KIF19: variants seen among roughly 807,000 people sequenced by gnomAD.
KIF19 encodes the protein kinesin family member 19, also known as kinesin-like protein KIF19.
In KIF19, 98 loss-of-function variants were observed where a neutral mutation model predicts 106.6. The observed-to-expected ratio is 0.92, with a 90% CI of 0.78 to 1.09. The LOEUF is 1.09. Ranked by LOEUF, KIF19 falls within the 50% of genes least tolerant of loss-of-function variation. KIF19 has a pLI of 0.00. For synonymous variants in KIF19, 516 were observed against 584.2 expected, an observed-to-expected ratio of 0.88 and a Z score of 1.68; for missense variants, 1,373 against 1,414.3, an observed-to-expected ratio of 0.97 and a Z score of 0.47.
rs550479508 is a variant in KIF19, at chr17:74,347,958, C to G, written c.1047+59C>G. 2.5e-3 allele frequency: 3,774 copies of G among 1,529,466 alleles called. 19 individuals are homozygous for G. The highest frequency in any genetic ancestry group is 2.5e-3 in the Non-Finnish European group (2,884 of 1,134,770). 94.7% of individuals were successfully genotyped at this position (1,529,466 alleles called of 1,614,324 possible). On this transcript the variant is annotated intron_variant, in intron 9 of 19. Transcript: ENST00000389916. Reference sequence around the variant, plus strand: ...CTTCCTGGGCTGAGATTCAAGCCCCCGGGCTGATCCCTGCCACCCCACTGC... The same window carrying G: ...CTTCCTGGGCTGAGATTCAAGCCCCGGGGCTGATCCCTGCCACCCCACTGC...
intron 2 of KIF19, among the ~76,000 whole-genome samples, chr17:74,334,230 G>A (rs891840142): frequency 1.3e-5 from 2 of 150,776 alleles, no homozygotes; most frequent in Non-Finnish European, 3.0e-5. Context: ...TGTTCTTTTT[G>A]GCTCTTGTGC....
intron 12 of KIF19, 115 bp downstream of exon 12, chr17:74,351,020 C>T: frequency 9.8e-7 from 1 of 1,016,492 alleles, no homozygotes; most frequent in East Asian, 2.4e-5. Context: ...GGAACTCAGG[C>T]CACAAATCCT....
chr17:74,345,994 T>G lies in KIF19; in HGVS notation c.778-384T>G, dbSNP rs574791646. Reference sequence around the variant, plus strand: ...CCTGCCCTCCACCACCATGCACATGTGCACGCACTTTCCTCCTTGCTCCCT... The same window carrying G: ...CCTGCCCTCCACCACCATGCACATGGGCACGCACTTTCCTCCTTGCTCCCT... On this transcript the variant is annotated intron_variant, in intron 7 of 19. Transcript: ENST00000389916. 7.9e-5 allele frequency among the ~76,000 whole-genome samples: 12 copies of G among 152,332 alleles called. No homozygotes were observed. The South Asian group carries it at 2.5e-3, about 32-fold the overall frequency.
intron 2 of KIF19, among the ~76,000 whole-genome samples, chr17:74,333,267 T>A (rs1293288227): frequency 6.6e-6 from 1 of 151,004 alleles, no homozygotes; most frequent in East Asian, 2.0e-4. Context: ...CCCCAGCCCC[T>A]CCCAGCCCCA....
In KIF19 at chr17:74,344,869, C is replaced by T. The variant is rs200390291; in HGVS notation, c.691C>T (p.Arg231Cys). Residue 231 changes from arginine (R) to cysteine (C), a missense_variant, in exon 7 of 20, where the codon CGC becomes TGC. Physicochemically the swap from Arg to Cys is radical, Grantham distance 180. Coordinates refer to ENST00000389916, the MANE Select transcript of KIF19 (RefSeq NM_153209.4). The stretch of plus-strand genomic sequence containing the variant: ...GGTACTGCAGGTGACCGTGCGCCAG[C>T]GCAGCCGGGTCAAGAACATCTTGCA... ...HAVLQVTVRQRSRVKNILQEV... is the reference protein window; with the variant it reads ...HAVLQVTVRQCSRVKNILQEV... 30 of 1,612,748 alleles carry T rather than the reference C, an allele frequency of 1.9e-5. No homozygotes were observed. Among genetic ancestry groups the T allele is most frequent in the East Asian group, 1.6e-4 (7 of 44,878 alleles).
chr17:74,342,533 A>G, intron 3 of KIF19, 97 bp from the exon 4 acceptor site: 1 of 799,946 alleles, frequency 1.3e-6, no homozygotes, highest in Non-Finnish European at 2.0e-6. Flanking sequence ...GGCTCCAGGG[A>G]CAGAAACCTC....
chr17:74,328,922 C>T (rs1156606403), intron 2 of KIF19: 2 of 163,392 alleles, frequency 1.2e-5, no homozygotes, highest in African/African-American at 2.4e-5. Context: ...GAAGGCAGGG[C>T]ACACGAGGCA....
rs573171434 is a variant in KIF19, at chr17:74,326,452, G to C, written c.39+64G>C. On this transcript the variant is annotated intron_variant, in intron 1 of 19. Coordinates refer to ENST00000389916, the MANE Select transcript of KIF19 (RefSeq NM_153209.4). ...TGGTCTACTTCAGTCGGCCTCCAGC[G>C]ACAGAGTCCTGTCCCCTCGCCGCCA... 43 of 1,520,896 alleles carry C rather than the reference G, an allele frequency of 2.8e-5. No individual in the cohort carries two copies. The African/African-American group carries it at 5.9e-4, about 21-fold the overall frequency. The allele number at this position is 1,520,896 out of a possible 1,614,324, so 94.2% of individuals were successfully genotyped here.
At chr17:74,340,109 C>G (rs2054324813) in intron 2 of KIF19, among the ~76,000 whole-genome samples, 1 of 152,174 alleles carries the variant, frequency 6.6e-6, no homozygotes, top group African/African-American at 2.4e-5. Context: ...ATGCTGCTGT[C>G]CCATCTGACA....
chr17:74,354,318 G>A lies in KIF19; in HGVS notation c.2465G>A (p.Arg822Gln), dbSNP rs776506533. Residue 822 changes from arginine (R) to glutamine (Q), a missense_variant, in exon 18 of 20, where the codon CGG (arginine) becomes CAG (glutamine). Around this residue, in one of 3 missense-constraint regions of KIF19, gnomAD observed 1,020 missense variants for 1,008.2 expected, o/e 1.01. Coordinates refer to ENST00000389916, the MANE Select transcript of KIF19 (RefSeq NM_153209.4). ...TCACTGAGCGAGGGCGACGATGCGC[G>A]GCCACCAGGCCCACTGGCCTGCAAG... ...LHSLSEGDDA[R>Q]PPGPLACKRP... is the part of the protein sequence containing the mutation. 15 of 1,607,794 alleles carry A rather than the reference G, an allele frequency of 9.3e-6. No individual in the cohort carries two copies. Among genetic ancestry groups the A allele is most frequent in the Non-Finnish European group, 1.1e-5 (13 of 1,177,930 alleles).
At chr17:74,348,645 G>C (rs2054603109) in intron 9 of KIF19, 1 of 162,884 alleles carries the variant, frequency 6.1e-6, no homozygotes, top group Non-Finnish European at 1.4e-5. Context: ...ACAGCTCATT[G>C]ATGGTTCAGA....
chr17:74,355,380 T>G lies in KIF19; in HGVS notation c.*68T>G. 3 of 1,478,674 alleles carry G rather than the reference T, an allele frequency of 2.0e-6. No individual in the cohort carries two copies. Among genetic ancestry groups the G allele is most frequent in the Non-Finnish European group, 2.7e-6 (3 of 1,112,354 alleles). 91.6% of individuals were successfully genotyped at this position (1,478,674 alleles called of 1,614,324 possible). A position where few individuals can be genotyped will look rare whatever the true frequency, so the allele number is the denominator to read the frequency against. ...ATGGGGTCTAGCAGGGCATGGGAGGTGGAGGCTGGGCAGATGGAGATGACC... is the reference window on the plus strand; with the variant it reads ...ATGGGGTCTAGCAGGGCATGGGAGGGGGAGGCTGGGCAGATGGAGATGACC... On this transcript the variant is annotated 3_prime_UTR_variant, in exon 20 of 20. Coordinates refer to ENST00000389916, the MANE Select transcript of KIF19 (RefSeq NM_153209.4).
Position 74,334,147 on chromosome 17 carries a change from T to G in KIF19, c.120+5642T>G, listed in dbSNP as rs374913749. 7.2e-5 allele frequency among the ~76,000 whole-genome samples: 11 copies of G among 152,320 alleles called. No individual in the cohort carries two copies. The South Asian group carries it at 1.2e-3, about 17-fold the overall frequency. ...GTCACCTGAACTTCACTCCTTTTGC[T>G]GGCTGAATAATGTTTGAGGTGTGGA... is the stretch of plus-strand genomic sequence containing the variant. On this transcript the variant is annotated intron_variant, in intron 2 of 19. Transcript: ENST00000389916.
chr17:74,329,175 G>C (rs187430776), intron 2 of KIF19: 2 of 152,300 alleles, frequency 1.3e-5, no homozygotes, highest in Admixed American at 1.3e-4. Flanking sequence ...AGGTCAGCGA[G>C]GGCTTCCTTA....
chr17:74,344,721 C>A, intron 6 of KIF19, 40 bp from the exon 7 acceptor site: 2 of 1,577,672 alleles, frequency 1.3e-6, no homozygotes, highest in Non-Finnish European at 1.7e-6. Context: ...GGAGCACCTA[C>A]GGCAGTCGCT....
chr17:74,330,332 G>A (rs2054043017), intron 2 of KIF19, among the ~76,000 whole-genome samples: 1 of 152,178 alleles, frequency 6.6e-6, no homozygotes, highest in Admixed American at 6.5e-5. Context: ...TCTTTAGAGG[G>A]TCTTTGTAGG....
intron 2 of KIF19, among the ~76,000 whole-genome samples, chr17:74,332,835 CT>C (rs1442364372): frequency 6.6e-6 from 1 of 152,344 alleles, no homozygotes; most frequent in East Asian, 1.9e-4. Context: ...AGCACCCAGG[CT>C]CTCTCAGCCC....
Position 74,344,811 on chromosome 17 carries a change from G to A in KIF19, c.633G>A (p.Thr211=), listed in dbSNP as rs769558861. Residue 211 remains threonine, a synonymous_variant, in exon 7 of 20, where the codon ACG becomes ACA. Coordinates refer to ENST00000389916, the MANE Select transcript of KIF19 (RefSeq NM_153209.4). ...KGNRQRTQEP[T]AANQTSSRSH... ...ACCGGCAGAGGACCCAGGAGCCCAC[G>A]GCCGCCAACCAGACGTCCTCCCGCT... is the stretch of plus-strand genomic sequence containing the variant. The A allele has an allele frequency of 1.3e-5, 21 of 1,611,832 alleles. No homozygotes were observed. Among genetic ancestry groups the A allele is most frequent in the African/African-American group, 2.7e-5 (2 of 74,940 alleles).
At position 74,331,399 on chromosome 17, in the gene KIF19, C is replaced by T. The variant is rs1288826638; in HGVS notation, c.120+2894C>T. On this transcript the variant is annotated intron_variant, in intron 2 of 19. Transcript: ENST00000389916. This position sits in a 1 kb window ranked among gnomAD's most constrained non-coding sequence, Gnocchi z 4.1. Reference sequence around the variant, plus strand: ...CACAGTAACCCGCTGGGCTGGGCCACCGTGAGGGGTCCTGGGGCAGCTTTC... The same window carrying T: ...CACAGTAACCCGCTGGGCTGGGCCATCGTGAGGGGTCCTGGGGCAGCTTTC... 6.6e-6 allele frequency among the ~76,000 whole-genome samples: 1 copy of T among 152,090 alleles called. No individual in the cohort carries two copies. Among genetic ancestry groups the T allele is most frequent in the Non-Finnish European group, 1.5e-5 (1 of 68,020 alleles).
Sources: gnomAD v4.1 joint callset for allele counts (sites outside exome capture counted in the v4.1 genomes callset) on GRCh38, gnomAD v4.1.1 for gene constraint, gnomAD v4.1.1 regional missense constraint, Gnocchi (gnomAD v3.1) non-coding constraint, MANE v1.5 for transcripts, NCBI Gene and HGNC (gene_info 2026-07-23, HGNC 2026-07-21) for gene names.